The following KIF15 variants were observed in gnomAD, a reference collection of about 807,000 sequenced individuals.
KIF15 encodes kinesin family member 15, also known as kinesin-like protein KIF15.
Under a neutral mutation model 190.6 loss-of-function variants are expected in KIF15, and 140 were observed. The ratio of observed to expected loss-of-function variants is 0.73; its 90% CI spans 0.64 to 0.84. The LOEUF (loss-of-function observed/expected upper bound fraction) is 0.84, where lower values mean the gene tolerates loss of function less well. KIF15 is among the 40% of genes least tolerant of loss of function. The pLI is 0.00. For synonymous variants in KIF15, 528 were observed against 551.3 expected (o/e 0.96, Z 0.59); for missense variants, 1,372 against 1,584.4 (o/e 0.87, Z 2.28).
downstream of KIF15, among the ~76,000 whole-genome samples, chr3:44,857,459 G>A (rs568352632): frequency 2.0e-5 from 3 of 152,312 alleles, no homozygotes; most frequent in African/African-American, 4.8e-5. Context: ...TATGGGGCGC[G>A]GTCCTGGTCC....
At chr3:44,862,895 T>A (rs1218240985) in intron 6 of KIF15, 1 of 152,036 alleles carries the variant, frequency 6.6e-6, no homozygotes, top group Non-Finnish European at 1.5e-5. Flanking sequence ...AGTATCCCAT[T>A]GGGTGTAGTT....
At chr3:44,833,631 AAATACAG>A (rs764264925) in intron 26 of KIF15, among the ~76,000 whole-genome samples, 6,913 of 152,184 alleles carry the variant, frequency 0.045, 204 homozygotes, top group Non-Finnish European at 0.065. Flanking sequence ...GAATGGCTGT[AAATACAG>A]ATGAAGCTGT....
At chr3:44,797,996 A>G in intron 10 of KIF15, 40 bp downstream of exon 10, 3 of 1,543,002 alleles carry the variant, frequency 1.9e-6, no homozygotes, top group Non-Finnish European at 2.6e-6. Flanking sequence ...AAATGAGAAA[A>G]ATACTAAAGC....
At chr3:44,855,256 G>A (rs796303248), downstream of KIF15, among the ~76,000 whole-genome samples, 1 of 152,198 alleles carries the variant, frequency 6.6e-6, no homozygotes. Context: ...GAATTACAAA[G>A]AAACTTCTTA....
intron 26 of KIF15, among the ~76,000 whole-genome samples, chr3:44,836,033 A>G (rs1200759739): frequency 6.6e-6 from 1 of 152,054 alleles, no homozygotes; most frequent in Non-Finnish European, 1.5e-5. Flanking sequence ...ATGTTGTTGC[A>G]AGAGCCCCCA....
At chr3:44,775,515 GCA>G in intron 3 of KIF15, 78 bp downstream of exon 3, 22 of 1,092,276 alleles carry the variant, frequency 2.0e-5, no homozygotes, top group South Asian at 3.1e-5. Context: ...GAGTGCAGTG[GCA>G]TGATCTCGGC....
At chr3:44,794,621 T>A (rs1459444800) in intron 8 of KIF15, among the ~76,000 whole-genome samples, 195 bp downstream of exon 8, 1 of 152,178 alleles carries the variant, frequency 6.6e-6, no homozygotes, top group Non-Finnish European at 1.5e-5. Context: ...GTATATTCTA[T>A]GATGCCCACA....
At chr3:44,840,069 T>C (rs948977868) in intron 27 of KIF15, among the ~76,000 whole-genome samples, 1 of 152,208 alleles carries the variant, frequency 6.6e-6, no homozygotes, top group African/African-American at 2.4e-5. Flanking sequence ...GATCATACAG[T>C]AGTTCTGTTT....
chr3:44,794,576 G>C (rs1706881350), intron 8 of KIF15, 150 bp downstream of exon 8: 3 of 565,264 alleles, frequency 5.3e-6, no homozygotes, highest in Non-Finnish European at 9.3e-6. Flanking sequence ...CATGGCTTAG[G>C]TATGTTGTAG....
chr3:44,846,098 C>T (rs1462091552), intron 30 of KIF15, among the ~76,000 whole-genome samples: 3 of 152,162 alleles, frequency 2.0e-5, no homozygotes, highest in African/African-American at 7.2e-5. Flanking sequence ...ACAGGCAGTT[C>T]CAGTAGCAGC....
rs1353629331 is a variant in KIF15 at position 44,852,306 on chromosome 3, G to A, written c.4071G>A (p.Val1357=). The change falls in exon 34 of 35, where the codon GTG becomes GTA. Residue 1357 remains valine, a synonymous_variant. Coordinates refer to ENST00000326047, the MANE Select transcript of KIF15 (RefSeq NM_020242.3). ...QNLHQKIQYV[V]RLKKENVRLA... ...TGCATCAGAAGATTCAGTACGTAGT[G>A]CGACTAAAGAAGGAAAATGTCAGGC... 6.2e-7 allele frequency: 1 copy of A among 1,612,314 alleles called. No individual in the cohort carries two copies. Among genetic ancestry groups the A allele is most frequent in the Non-Finnish European group, 8.5e-7 (1 of 1,178,822 alleles).
chr3:44,859,654 G>A (rs1464318775), intron 6 of KIF15, among the ~76,000 whole-genome samples: 1 of 152,110 alleles, frequency 6.6e-6, no homozygotes, highest in Non-Finnish European at 1.5e-5. Context: ...GCAGGACCCT[G>A]TCTCAAAAAA....
At chr3:44,840,560 A>AT (rs1305259095) in intron 28 of KIF15, 104 bp downstream of exon 28, 1 of 664,894 alleles carries the variant, frequency 1.5e-6, no homozygotes, top group Admixed American at 3.3e-5. Context: ...AAAGAAAAAG[A>AT]TTTTCACTAA....
chr3:44,861,912 G>A (rs1012019453), intron 6 of KIF15: 3 of 1,482,996 alleles, frequency 2.0e-6, no homozygotes, highest in Non-Finnish European at 2.7e-6. Flanking sequence ...CAGGCACGGT[G>A]TCAGCAGGCA....
intron 5 of KIF15, among the ~76,000 whole-genome samples, chr3:44,782,293 C>T (rs1706208554): frequency 6.6e-6 from 1 of 152,186 alleles, no homozygotes; most frequent in African/African-American, 2.4e-5. Flanking sequence ...AACTCCCGAC[C>T]TCAAGTGATC....
At chr3:44,821,624 C>T (rs1245316089) in intron 20 of KIF15, among the ~76,000 whole-genome samples, 1 of 151,854 alleles carries the variant, frequency 6.6e-6, no homozygotes, top group Non-Finnish European at 1.5e-5. Context: ...GGAAGAGGCG[C>T]TCCTCACTTT....
chr3:44,791,184 TG>T (rs748390427), intron 7 of KIF15, among the ~76,000 whole-genome samples: 14 of 152,228 alleles, frequency 9.2e-5, no homozygotes, highest in Non-Finnish European at 1.9e-4. Context: ...CTTGCCTTTT[TG>T]TTTTTGATCC....
At chr3:44,849,019 A>C (rs1698967673) in intron 32 of KIF15, among the ~76,000 whole-genome samples, 1 of 152,180 alleles carries the variant, frequency 6.6e-6, no homozygotes, top group Admixed American at 6.5e-5. Context: ...TAGCCTTATA[A>C]ATGGCCTCAC....
chr3:44,766,554 C>T (rs1402312630), intron 1 of KIF15, among the ~76,000 whole-genome samples: 1 of 152,170 alleles, frequency 6.6e-6, no homozygotes, highest in Non-Finnish European at 1.5e-5. Flanking sequence ...GATACACTGA[C>T]ATCCTGCTAC....
Sources: allele counts gnomAD v4.1 joint callset (sites outside exome capture counted in the v4.1 genomes callset), GRCh38; gene constraint gnomAD v4.1.1; transcripts MANE v1.5; gene names NCBI Gene and HGNC (gene_info 2026-07-23, HGNC 2026-07-21).